The following AMPH variants were observed in gnomAD, a reference collection of about 807,000 sequenced individuals.
AMPH encodes amphiphysin.
AMPH carries 49 observed loss-of-function variants against 99.1 expected under a neutral mutation model. That is an observed-to-expected ratio of 0.49 (90% CI 0.39 to 0.63). The LOEUF is 0.63. AMPH is among the 20% of genes least tolerant of loss of function. The pLI, the probability that AMPH is intolerant of heterozygous loss-of-function variation, is 0.00. For missense variants in AMPH, 759 were observed against 863.4 expected (o/e 0.88, Z 1.52); for synonymous variants, 314 against 317.3 (o/e 0.99, Z 0.11).
chr7:38,595,532 A>T (rs1257677986), intron 1 of AMPH, among the ~76,000 whole-genome samples: 1 of 152,202 alleles, frequency 6.6e-6, no homozygotes, highest in African/African-American at 2.4e-5. Flanking sequence ...TAGGACAAAT[A>T]TCAATCAGGG....
intron 11 of AMPH, among the ~76,000 whole-genome samples, chr7:38,460,825 A>G (rs1787409927): frequency 6.6e-6 from 1 of 152,166 alleles, no homozygotes; most frequent in African/African-American, 2.4e-5. Flanking sequence ...GCAACACTGT[A>G]TTAGGTATTT....
chr7:38,497,647 G>A (rs921036201), intron 3 of AMPH, among the ~76,000 whole-genome samples: 1 of 152,158 alleles, frequency 6.6e-6, no homozygotes, highest in Non-Finnish European at 1.5e-5. Context: ...AAGCAGCAGC[G>A]ATAAACCATT....
At chr7:38,572,532 G>C (rs1314984258) in intron 1 of AMPH, among the ~76,000 whole-genome samples, 1 of 152,202 alleles carries the variant, frequency 6.6e-6, no homozygotes, top group African/African-American at 2.4e-5. Flanking sequence ...GGAAGAGTCA[G>C]GTATTCCAAA....
intron 2 of AMPH, among the ~76,000 whole-genome samples, chr7:38,511,866 A>G (rs554406640): frequency 6.6e-6 from 1 of 152,336 alleles, no homozygotes; most frequent in East Asian, 1.9e-4. Flanking sequence ...ATTCCAGCAG[A>G]TATGCAATCA....
chr7:38,499,194 G>A (rs1789042851), intron 3 of AMPH, among the ~76,000 whole-genome samples: 1 of 152,050 alleles, frequency 6.6e-6, no homozygotes, highest in Non-Finnish European at 1.5e-5. Flanking sequence ...TTTTATTTAA[G>A]TGTCTTCTCA....
At chr7:38,609,747 G>A (rs1793560774) in intron 1 of AMPH, among the ~76,000 whole-genome samples, 1 of 48,250 alleles carries the variant, frequency 2.1e-5, no homozygotes. Context: ...CTGGGTAATA[G>A]ATTGCAGGTG....
intron 11 of AMPH, among the ~76,000 whole-genome samples, chr7:38,451,291 G>GTATATATA (rs1562764219): frequency 4.7e-5 from 7 of 147,484 alleles, no homozygotes; most frequent in Admixed American, 4.7e-4. Context: ...ATATACACAT[G>GTATATATA]CACACATATA....
rs778340619 is a variant in AMPH at position 38,391,923 on chromosome 7, G to A, written c.1703C>T (p.Thr568Ile). 1 of 1,612,786 alleles carries A rather than the reference G, an allele frequency of 6.2e-7. No individual in the cohort carries two copies. Among genetic ancestry groups the A allele is most frequent in the Non-Finnish European group, 8.5e-7 (1 of 1,179,952 alleles). The change falls in exon 19 of 21, where the codon ACC becomes ATC. Residue 568 changes from threonine (T) to isoleucine (I), a missense_variant. Coordinates refer to ENST00000356264, the MANE Select transcript of AMPH (RefSeq NM_001635.4). ...EITIGAEPKE[T>I]TEDAAPPGPT... ...GCCCGGAGGAGCCGCGTCCTCGGTG[G>A]TCTCCTTGGGCTCTGCACCTATAGT...
intron 1 of AMPH, among the ~76,000 whole-genome samples, chr7:38,579,822 T>G (rs942886586): frequency 1.3e-5 from 2 of 152,220 alleles, no homozygotes; most frequent in Admixed American, 6.5e-5. Context: ...ATAACCTAAA[T>G]GTAACATTGA....
chr7:38,625,986 A>T (rs1265607556), intron 1 of AMPH, among the ~76,000 whole-genome samples: 1 of 152,184 alleles, frequency 6.6e-6, no homozygotes, highest in Non-Finnish European at 1.5e-5. Flanking sequence ...TTGGGGGAAG[A>T]ACTAGAGGAG....
chr7:38,524,475 A>C (rs1790088034), intron 2 of AMPH, among the ~76,000 whole-genome samples: 1 of 152,152 alleles, frequency 6.6e-6, no homozygotes, highest in Non-Finnish European at 1.5e-5. Flanking sequence ...CATAGGCAAA[A>C]TTTGGGGATC....
chr7:38,616,961 T>C (rs547653432), intron 1 of AMPH, among the ~76,000 whole-genome samples: 1 of 152,296 alleles, frequency 6.6e-6, no homozygotes, highest in Admixed American at 6.5e-5. Context: ...AAGATATAGA[T>C]ACAGATAGAA....
chr7:38,441,737 A>G (rs556639401), intron 11 of AMPH, among the ~76,000 whole-genome samples: 1 of 145,574 alleles, frequency 6.9e-6, no homozygotes, highest in Admixed American at 6.9e-5. Context: ...AATGATATAT[A>G]TGACAGATAT....
rs1273244241 is a variant in AMPH, at chr7:38,620,544, TACATACAC to T, written c.69+10731_69+10738del. 1.8e-3 allele frequency among the ~76,000 whole-genome samples: 200 copies of T among 111,238 alleles called. 1 individual carries two copies. Among genetic ancestry groups the T allele is most frequent in the African/African-American group, 4.2e-3 (125 of 29,682 alleles). The allele number at this position is 111,238 out of a possible 152,430, so 73.0% of individuals were successfully genotyped here. ...TATGCATCTATGCTATATATATACA[TACATACAC>T]ACACACACACACACACACACACACA... On this transcript the variant is annotated intron_variant, in intron 1 of 20. Coordinates refer to ENST00000356264, the MANE Select transcript of AMPH (RefSeq NM_001635.4).
rs1254126043 is a variant in AMPH at position 38,525,269 on chromosome 7, TATATATATAGAGAG to T, written c.150+9648_150+9661del. Among the ~76,000 whole-genome samples the T allele has an allele frequency of 2.0e-4, 14 of 70,420 alleles. No individual in the cohort carries two copies. The South Asian group carries it at 2.1e-3, about 11-fold the overall frequency. The allele number at this position is 70,420 out of a possible 152,430, so 46.2% of individuals were successfully genotyped here. On this transcript the variant is annotated intron_variant, in intron 2 of 20. Coordinates refer to ENST00000356264, the MANE Select transcript of AMPH (RefSeq NM_001635.4). ...TTGTGTGTGTGTGTGTATATATATA[TATATATATAGAGAG>T]AGAGAGAGAGAGAGAGAGAGAGAGA... is the stretch of plus-strand genomic sequence containing the variant.
intron 11 of AMPH, among the ~76,000 whole-genome samples, chr7:38,450,308 A>C (rs1786959537): frequency 1.3e-5 from 2 of 152,234 alleles, no homozygotes; most frequent in Non-Finnish European, 1.5e-5. Flanking sequence ...ATCCTGAGAC[A>C]GGCAATATTT....
chr7:38,604,833 C>T (rs1167355615), intron 1 of AMPH, among the ~76,000 whole-genome samples: 1 of 152,172 alleles, frequency 6.6e-6, no homozygotes, highest in Non-Finnish European at 1.5e-5. Context: ...CCCTTTTCTT[C>T]TCAGGCTGTC....
At chr7:38,387,984 A>G (rs1288865338) in intron 20 of AMPH, among the ~76,000 whole-genome samples, 2 of 152,108 alleles carry the variant, frequency 1.3e-5, no homozygotes, top group Non-Finnish European at 2.9e-5. Flanking sequence ...AGAAAAAAAA[A>G]TCAACTCAGA....
At chr7:38,451,005 C>G (rs1401147457) in intron 11 of AMPH, among the ~76,000 whole-genome samples, 3 of 151,884 alleles carry the variant, frequency 2.0e-5, no homozygotes, top group Non-Finnish European at 4.4e-5. Context: ...ATCCACCTGC[C>G]TCTCAGCCTT....
Sources: gnomAD v4.1 joint callset for allele counts (sites outside exome capture counted in the v4.1 genomes callset) on GRCh38, gnomAD v4.1.1 for gene constraint, MANE v1.5 for transcripts, NCBI Gene and HGNC (gene_info 2026-07-23, HGNC 2026-07-21) for gene names.